The following CNOT4 variants were observed in gnomAD, a reference collection of about 807,000 sequenced individuals.
CNOT4 encodes the protein CCR4-NOT transcription complex subunit 4, also known as CCR4-associated factor 4.
Under a neutral mutation model 73.8 loss-of-function variants are expected in CNOT4, and 8 were observed. The observed-to-expected ratio is 0.11, with a 90% confidence interval of 0.06 to 0.20. The LOEUF (loss-of-function observed/expected upper bound fraction) is 0.20. Ranked by LOEUF, CNOT4 falls within the 10% of genes least tolerant of loss-of-function variation. The pLI, the probability that CNOT4 is intolerant of heterozygous loss-of-function variation, is 1.00. For missense variants in CNOT4, 564 were observed against 883.4 expected, an observed-to-expected ratio of 0.64 and a Z score of 4.58; for synonymous variants, 293 against 321.1, an observed-to-expected ratio of 0.91 and a Z score of 0.94.
chr7:135,502,816 CAA>C (rs56358299), intron 1 of CNOT4, among the ~76,000 whole-genome samples: 12 of 59,110 alleles, frequency 2.0e-4, no homozygotes, highest in East Asian at 4.6e-4. Flanking sequence ...AACTCCATCT[CAA>C]AAAAAAAAAA....
chr7:135,417,122 A>G (rs1475163849), intron 3 of CNOT4, among the ~76,000 whole-genome samples: 1 of 152,166 alleles, frequency 6.6e-6, no homozygotes, highest in Non-Finnish European at 1.5e-5. Flanking sequence ...TGATTTTACA[A>G]ATAGGTGCAA....
chr7:135,391,646 G>T (rs1272416343), intron 10 of CNOT4, among the ~76,000 whole-genome samples: 3 of 151,968 alleles, frequency 2.0e-5, no homozygotes, highest in African/African-American at 7.2e-5. Context: ...TTTCCATAAA[G>T]CATCTACTTT....
intron 2 of CNOT4, among the ~76,000 whole-genome samples, chr7:135,435,160 G>A (rs1799074557): frequency 1.3e-5 from 2 of 151,980 alleles, no homozygotes; most frequent in Non-Finnish European, 2.9e-5. Flanking sequence ...CTCTATTCTA[G>A]ATGTTCTAAA....
intron 7 of CNOT4, among the ~76,000 whole-genome samples, chr7:135,401,179 A>C (rs777513677): frequency 3.5e-4 from 53 of 152,244 alleles, no homozygotes; most frequent in Non-Finnish European, 6.9e-4. Flanking sequence ...CTCCACTGGC[A>C]TCAGATGTAG....
intron 1 of CNOT4, among the ~76,000 whole-genome samples, chr7:135,466,769 ATATG>A (rs1021424935): frequency 6.6e-6 from 1 of 152,142 alleles, no homozygotes; most frequent in African/African-American, 2.4e-5. Flanking sequence ...TCATGTTTAG[ATATG>A]TATAATACAC....
At chr7:135,403,585 C>T (rs1007868182) in intron 7 of CNOT4, among the ~76,000 whole-genome samples, 1 of 152,056 alleles carries the variant, frequency 6.6e-6, no homozygotes, top group Admixed American at 6.6e-5. Flanking sequence ...AAGATCCTCT[C>T]TCTTTAGAAT....
chr7:135,388,127 T>G (rs1360859128), intron 10 of CNOT4: 11 of 984,980 alleles, frequency 1.1e-5, no homozygotes, highest in Non-Finnish European at 1.3e-5. Context: ...GAAAAGAGAT[T>G]ATATTGCATT....
At chr7:135,468,368 G>GA (rs748912404) in intron 1 of CNOT4, among the ~76,000 whole-genome samples, 1 of 152,066 alleles carries the variant, frequency 6.6e-6, no homozygotes, top group East Asian at 1.9e-4. Context: ...GATAAGCCAT[G>GA]AAGAACTCTA....
chr7:135,482,336 G>GA (rs2129487281), intron 1 of CNOT4, among the ~76,000 whole-genome samples: 1 of 149,792 alleles, frequency 6.7e-6, no homozygotes, highest in East Asian at 2.0e-4. Flanking sequence ...CAGGAGGGTT[G>GA]CTTGAGCCCA....
At chr7:135,473,455 A>C (rs1258920081) in intron 1 of CNOT4, among the ~76,000 whole-genome samples, 1 of 152,184 alleles carries the variant, frequency 6.6e-6, no homozygotes, top group Non-Finnish European at 1.5e-5. Context: ...TTGGCAAAAG[A>C]TTTAAAAATA....
At chr7:135,509,708 G>A in intron 1 of CNOT4, 181 bp downstream of exon 1, 1 of 237,754 alleles carries the variant, frequency 4.2e-6, no homozygotes, top group East Asian at 8.1e-5. Flanking sequence ...AACTGCTGTG[G>A]CGTAAAGGGG....
intron 10 of CNOT4, chr7:135,384,829 T>G: frequency 1.4e-6 from 1 of 707,812 alleles, no homozygotes; most frequent in Non-Finnish European, 2.6e-6. Flanking sequence ...TCTTCAACTT[T>G]GTTGTCAAAT....
intron 10 of CNOT4, among the ~76,000 whole-genome samples, chr7:135,374,699 T>C (rs563462262): frequency 6.6e-6 from 1 of 152,342 alleles, no homozygotes; most frequent in Non-Finnish European, 1.5e-5. Context: ...CATCTATCAC[T>C]TTATAATCAC....
At chr7:135,385,999 T>C (rs1796100667) in intron 10 of CNOT4, among the ~76,000 whole-genome samples, 1 of 152,044 alleles carries the variant, frequency 6.6e-6, no homozygotes, top group Non-Finnish European at 1.5e-5. Flanking sequence ...AATAATAGAA[T>C]GAAAAGGAAA....
chr7:135,484,321 C>G (rs565333315), intron 1 of CNOT4, among the ~76,000 whole-genome samples: 3 of 152,044 alleles, frequency 2.0e-5, no homozygotes, highest in Non-Finnish European at 4.4e-5. Context: ...CCAGCCAGCA[C>G]AAGAAAATAA....
chr7:135,507,271 C>G (rs549730329), intron 1 of CNOT4, among the ~76,000 whole-genome samples: 2 of 152,148 alleles, frequency 1.3e-5, no homozygotes, highest in Non-Finnish European at 2.9e-5. Context: ...TGTTCAAAAC[C>G]TTCTTACAGA....
At chr7:135,479,758 G>A (rs1023032147) in intron 1 of CNOT4, among the ~76,000 whole-genome samples, 18 of 151,646 alleles carry the variant, frequency 1.2e-4, no homozygotes, top group African/African-American at 3.9e-4. Context: ...TTAGTCGGGC[G>A]TGGTACCTGT....
At chr7:135,451,973 T>C (rs1276618716) in intron 1 of CNOT4, among the ~76,000 whole-genome samples, 1 of 152,098 alleles carries the variant, frequency 6.6e-6, no homozygotes, top group Non-Finnish European at 1.5e-5. Flanking sequence ...TCAGGTTGTG[T>C]GTAGTGGCTC....
At chr7:135,439,639 G>A (rs1458818281) in intron 1 of CNOT4, among the ~76,000 whole-genome samples, 3 of 152,070 alleles carry the variant, frequency 2.0e-5, no homozygotes, top group African/African-American at 4.8e-5. Flanking sequence ...AATTAGCTGG[G>A]CATGGTGGCG....
Sources: gnomAD v4.1 joint callset for allele counts (sites outside exome capture counted in the v4.1 genomes callset) on GRCh38, gnomAD v4.1.1 for gene constraint, MANE v1.5 for transcripts, NCBI Gene and HGNC (gene_info 2026-07-23, HGNC 2026-07-21) for gene names.